The following RPH3A variants were observed in gnomAD, a reference collection of about 807,000 sequenced individuals.
The protein encoded by RPH3A is rabphilin 3A.
RPH3A carries 48 observed loss-of-function variants against 102.2 expected under a neutral mutation model. The observed-to-expected ratio is 0.47, with a 90% CI of 0.37 to 0.60. The LOEUF (loss-of-function observed/expected upper bound fraction) is 0.60, where lower values mean the gene tolerates loss of function less well. Among genes scored for constraint, RPH3A ranks in the 20% least tolerant of loss-of-function variants. The pLI, the probability that RPH3A is intolerant of heterozygous loss-of-function variation, is 0.00. For missense variants in RPH3A, 781 were observed against 910.1 expected (o/e 0.86, Z 1.83); for synonymous variants, 310 against 324.3 (o/e 0.96, Z 0.47).
chr12:112,771,926 T>C (rs1350918738), intron 1 of RPH3A, among the ~76,000 whole-genome samples: 1 of 152,212 alleles, frequency 6.6e-6, no homozygotes, highest in Non-Finnish European at 1.5e-5. Context: ...TTTGTGAAAC[T>C]TTGGCTTCAG....
intron 5 of RPH3A, 24 bp downstream of exon 5, chr12:112,847,866 A>G: frequency 6.2e-7 from 1 of 1,610,864 alleles, no homozygotes; most frequent in African/African-American, 1.3e-5. Flanking sequence ...CTTCCCATTC[A>G]CCCCAGAGCT....
chr12:112,892,182 C>T (rs2043109196), intron 19 of RPH3A, among the ~76,000 whole-genome samples: 1 of 152,206 alleles, frequency 6.6e-6, no homozygotes, highest in Non-Finnish European at 1.5e-5. Flanking sequence ...CCAGTATGCT[C>T]TAGCTATGTG....
At chr12:112,893,499 T>C (rs1255408290) in intron 19 of RPH3A, 1 of 152,130 alleles carries the variant, frequency 6.6e-6, no homozygotes, top group African/African-American at 2.4e-5. Flanking sequence ...ACCCAGGAAA[T>C]ATTTTGTTTT....
intron 1 of RPH3A, among the ~76,000 whole-genome samples, chr12:112,591,831 C>G (rs1467847507): frequency 6.6e-6 from 1 of 152,158 alleles, no homozygotes; most frequent in Non-Finnish European, 1.5e-5. Flanking sequence ...GTGTCTGCTA[C>G]ATTCTGAAGT....
At chr12:112,743,082 C>T (rs1266079807) in intron 1 of RPH3A, among the ~76,000 whole-genome samples, 2 of 152,246 alleles carry the variant, frequency 1.3e-5, no homozygotes, top group African/African-American at 4.8e-5. Context: ...TATTCAGACA[C>T]TTGTGATTAC....
rs2043193293 is a variant in RPH3A at position 112,897,147 on chromosome 12, C to A, written c.*367C>A. 1 of 68,792 alleles carries A rather than the reference C, an allele frequency of 1.5e-5. No homozygotes were observed. The highest frequency in any genetic ancestry group is 1.6e-4 in the Admixed American group (1 of 6,254). 4.3% of individuals were successfully genotyped at this position (68,792 alleles called of 1,614,324 possible). A position where few individuals can be genotyped will look rare whatever the true frequency, so the allele number is the denominator to read the frequency against. On this transcript the variant is annotated 3_prime_UTR_variant, in exon 22 of 22. Transcript: ENST00000389385. The stretch of plus-strand genomic sequence containing the variant: ...TCCTAGCCTTGAACACACACATGTA[C>A]ACACACACACACACACACACACACA...
At chr12:112,724,319 C>T (rs1037338081) in intron 1 of RPH3A, among the ~76,000 whole-genome samples, 3 of 152,144 alleles carry the variant, frequency 2.0e-5, no homozygotes, top group Non-Finnish European at 4.4e-5. Context: ...CCTGCCCCAA[C>T]CTCTGAAAGT....
chr12:112,632,316 C>T (rs1230695924), intron 1 of RPH3A, among the ~76,000 whole-genome samples: 3 of 152,142 alleles, frequency 2.0e-5, no homozygotes, highest in African/African-American at 7.2e-5. Flanking sequence ...ATACAGTGCC[C>T]ATTAAGTAAT....
intron 8 of RPH3A, 137 bp from the exon 9 acceptor site, chr12:112,869,622 G>A (rs892475069): frequency 8.5e-6 from 7 of 824,330 alleles, no homozygotes; most frequent in Middle Eastern, 3.6e-4. Flanking sequence ...CAAAGAGGAG[G>A]TTGGGAGAAA....
intron 1 of RPH3A, among the ~76,000 whole-genome samples, chr12:112,632,428 T>C (rs2039813647): frequency 6.6e-6 from 1 of 152,130 alleles, no homozygotes; most frequent in South Asian, 2.1e-4. Flanking sequence ...TCAGCTCCCT[T>C]TTATAAGAGC....
intron 2 of RPH3A, among the ~76,000 whole-genome samples, chr12:112,793,579 A>T (rs1424565277): frequency 6.6e-6 from 1 of 152,238 alleles, no homozygotes; most frequent in Non-Finnish European, 1.5e-5. Flanking sequence ...AGTGTCAAAG[A>T]TTTGGTTCTC....
At position 112,708,721 on chromosome 12, in the gene RPH3A, C is replaced by G. The variant is rs1240440621; in HGVS notation, c.-139-83422C>G. 2.6e-5 allele frequency among the ~76,000 whole-genome samples: 4 copies of G among 152,108 alleles called. No individual in the cohort carries two copies. The East Asian group carries it at 7.7e-4, about 29-fold the overall frequency. On this transcript the variant is annotated intron_variant, in intron 1 of 21. Coordinates refer to the RPH3A transcript ENST00000543106. ...GGATGAGTGTCCATGTATCTGATCT[C>G]CATGACCTCAGAGAATTATCAAGCG... is the stretch of plus-strand genomic sequence containing the variant.
intron 1 of RPH3A, among the ~76,000 whole-genome samples, chr12:112,715,269 G>A (rs1436195671): frequency 2.6e-5 from 4 of 152,090 alleles, no homozygotes; most frequent in Admixed American, 6.6e-5. Flanking sequence ...CTACTGAAAT[G>A]CCACTTCCTT....
chr12:112,696,803 C>T (rs1003655026), intron 1 of RPH3A, among the ~76,000 whole-genome samples: 3 of 152,154 alleles, frequency 2.0e-5, no homozygotes, highest in Non-Finnish European at 4.4e-5. Flanking sequence ...TATCTCTCTC[C>T]TACTCTACCT....
chr12:112,755,988 T>C (rs2040820567), intron 1 of RPH3A, among the ~76,000 whole-genome samples: 1 of 152,138 alleles, frequency 6.6e-6, no homozygotes, highest in South Asian at 2.1e-4. Flanking sequence ...AAAGGCTGGT[T>C]AACTGACACA....
At chr12:112,836,564 G>T in intron 4 of RPH3A, 62 bp downstream of exon 4, 1 of 816,612 alleles carries the variant, frequency 1.2e-6, no homozygotes, top group South Asian at 2.4e-5. Flanking sequence ...CTCTTTCTCT[G>T]ATCAAGGTGG....
At chr12:112,741,445 C>A (rs2040708751) in intron 1 of RPH3A, among the ~76,000 whole-genome samples, 3 of 152,188 alleles carry the variant, frequency 2.0e-5, no homozygotes. Context: ...CATTTTTGTT[C>A]TTTCCCTCCC....
intron 1 of RPH3A, among the ~76,000 whole-genome samples, chr12:112,704,484 G>A (rs1220194578): frequency 6.6e-6 from 1 of 152,182 alleles, no homozygotes; most frequent in Non-Finnish European, 1.5e-5. Context: ...GTGTGCTGAT[G>A]GCCACAGCTG....
At chr12:112,747,201 G>C (rs913970268) in intron 1 of RPH3A, among the ~76,000 whole-genome samples, 1 of 152,118 alleles carries the variant, frequency 6.6e-6, no homozygotes, top group African/African-American at 2.4e-5. Context: ...AACCTTCAAG[G>C]TTATGGTGTT....
Sources: gnomAD v4.1 joint callset for allele counts (sites outside exome capture counted in the v4.1 genomes callset) on GRCh38, gnomAD v4.1.1 for gene constraint, MANE v1.5 for transcripts, NCBI Gene and HGNC (gene_info 2026-07-23, HGNC 2026-07-21) for gene names.